Variants in GFPT2 observed in about 807,000 individuals in gnomAD.
GFPT2 encodes the protein glutamine--fructose-6-phosphate transaminase 2, also known as glutamine--fructose-6-phosphate aminotransferase [isomerizing] 2.
Under a neutral mutation model 85.6 loss-of-function variants are expected in GFPT2, and 62 were observed. The observed-to-expected ratio is 0.72, with a 90% confidence interval of 0.59 to 0.90. GFPT2 has a LOEUF of 0.90. GFPT2 is among the 40% of genes least tolerant of loss of function. GFPT2 has a pLI of 0.00. For synonymous variants in GFPT2, 368 were observed against 344.5 expected, an observed-to-expected ratio of 1.07 and a Z score of -0.75; for missense variants, 788 against 893.4, an observed-to-expected ratio of 0.88 and a Z score of 1.50.
chr5:180,350,213 C>T (rs1196071658), intron 1 of GFPT2, among the ~76,000 whole-genome samples: 5 of 152,156 alleles, frequency 3.3e-5, no homozygotes, highest in African/African-American at 4.8e-5. Context: ...GAGTTTGTGT[C>T]CATCACCCAA....
intron 2 of GFPT2, among the ~76,000 whole-genome samples, chr5:180,337,409 C>T (rs1462867394): frequency 2.7e-5 from 4 of 148,286 alleles, no homozygotes; most frequent in African/African-American, 2.5e-5. Context: ...GCTGAGATCG[C>T]GCCACTGCAC....
At chr5:180,325,111 G>T (rs368324908) in intron 7 of GFPT2, among the ~76,000 whole-genome samples, 3 of 152,134 alleles carry the variant, frequency 2.0e-5, no homozygotes, top group African/African-American at 7.2e-5. Flanking sequence ...TGCCCAGAAA[G>T]CTTGGTAACC....
rs1396340986 is a variant in GFPT2, at chr5:180,353,298, TGGGCTCCGTGGGCTCCGTGGGCTCCGC to T, written c.-108_-82del. On this transcript the variant is annotated 5_prime_UTR_variant, in exon 1 of 19. Transcript: ENST00000253778. ...TGGGGCTCCTCCGTGGGCTCCTCCG[TGGGCTCCGTGGGCTCCGTGGGCTCCGC>T]GGGCTCCAGCTCCCGTCCGCTCGGC... 5.0e-5 allele frequency: 13 copies of T among 261,546 alleles called. No homozygotes were observed. Among genetic ancestry groups the T allele is most frequent in the Admixed American group, 1.5e-4 (1 of 6,818 alleles). The allele number at this position is 261,546 out of a possible 1,614,324, so 16.2% of individuals were successfully genotyped here.
At chr5:180,348,965 C>A (rs528571959) in intron 1 of GFPT2, among the ~76,000 whole-genome samples, 13 of 151,640 alleles carry the variant, frequency 8.6e-5, no homozygotes, top group African/African-American at 3.1e-4. Flanking sequence ...TGGTCTCGAT[C>A]TCCTGACCTC....
chr5:180,345,913 G>T (rs1764598634), intron 1 of GFPT2, among the ~76,000 whole-genome samples: 1 of 152,070 alleles, frequency 6.6e-6, no homozygotes, highest in African/African-American at 2.4e-5. Flanking sequence ...TGGGAGCACG[G>T]TGCCACCAGA....
chr5:180,314,554 A>G (rs917210576), intron 13 of GFPT2, among the ~76,000 whole-genome samples: 2 of 152,186 alleles, frequency 1.3e-5, no homozygotes, highest in African/African-American at 4.8e-5. Context: ...AATTCAGCAT[A>G]AGCCAGACTA....
intron 15 of GFPT2, among the ~76,000 whole-genome samples, chr5:180,311,742 TG>T (rs1447007935): frequency 1.3e-5 from 2 of 151,778 alleles, no homozygotes; most frequent in South Asian, 2.1e-4. Context: ...AGGTGTGTTA[TG>T]AAAAAAATAA....
At chr5:180,305,760 T>C (rs926431930) in intron 16 of GFPT2, among the ~76,000 whole-genome samples, 1 of 152,182 alleles carries the variant, frequency 6.6e-6, no homozygotes, top group Non-Finnish European at 1.5e-5. Context: ...CGCAGAGTCA[T>C]CTGGGGACTG....
chr5:180,307,864 G>A (rs1041732743), intron 15 of GFPT2, among the ~76,000 whole-genome samples: 19 of 152,214 alleles, frequency 1.2e-4, no homozygotes, highest in Non-Finnish European at 1.9e-4. Flanking sequence ...TGTAATCGCC[G>A]CACTTTGGGA....
intron 3 of GFPT2, 157 bp downstream of exon 3, chr5:180,336,322 C>G: frequency 1.5e-6 from 1 of 679,974 alleles, no homozygotes. Flanking sequence ...CATCCCATAC[C>G]CTGCGAAGCC....
intron 9 of GFPT2, among the ~76,000 whole-genome samples, chr5:180,320,642 G>A (rs1029689286): frequency 1.3e-5 from 2 of 152,078 alleles, no homozygotes; most frequent in African/African-American, 2.4e-5. Context: ...GTGTGGTGGC[G>A]GGCACCTGTA....
intron 1 of GFPT2, among the ~76,000 whole-genome samples, chr5:180,348,336 GT>G (rs1764649431): frequency 6.6e-6 from 1 of 152,252 alleles, no homozygotes; most frequent in African/African-American, 2.4e-5. Context: ...ACTCTCCTGG[GT>G]GAGGCCCACA....
chr5:180,322,811 C>T (rs925384719), intron 9 of GFPT2, among the ~76,000 whole-genome samples: 2 of 151,830 alleles, frequency 1.3e-5, no homozygotes, highest in African/African-American at 2.4e-5. Context: ...CTGAGGAGGG[C>T]GGATCATGAG....
chr5:180,306,201 T>C (rs574624860), intron 16 of GFPT2, among the ~76,000 whole-genome samples: 1 of 152,194 alleles, frequency 6.6e-6, no homozygotes, highest in South Asian at 2.1e-4. Flanking sequence ...TCCAGGCTGG[T>C]CTCGAACTCC....
chr5:180,345,921 A>T (rs1422315382), intron 1 of GFPT2, among the ~76,000 whole-genome samples: 1 of 152,132 alleles, frequency 6.6e-6, no homozygotes, highest in Non-Finnish European at 1.5e-5. Flanking sequence ...CGGTGCCACC[A>T]GAACTCTCGG....
chr5:180,316,754 T>C lies in GFPT2; in HGVS notation c.1152+10A>G. On this transcript the variant is annotated intron_variant, in intron 12 of 18. Transcript: ENST00000253778. ...CCGTCGACTTCCCCACGCACATGTGTCACACTTACAGCCACGGCAGCGTGG... is the reference window on the plus strand; with the variant it reads ...CCGTCGACTTCCCCACGCACATGTGCCACACTTACAGCCACGGCAGCGTGG... 3.1e-6 allele frequency: 5 copies of C among 1,593,014 alleles called. No individual in the cohort carries two copies. Among genetic ancestry groups the C allele is most frequent in the Non-Finnish European group, 3.4e-6 (4 of 1,161,322 alleles).
At chr5:180,353,165 C>CCGCGGACGGCGTGGAGGAGGCGG in intron 1 of GFPT2, 46 bp downstream of exon 1, 1 of 1,229,688 alleles carries the variant, frequency 8.1e-7, no homozygotes, top group Non-Finnish European at 1.0e-6. Flanking sequence ...GCGCCGGGAC[C>CCGCGGACGGCGTGGAGGAGGCGG]CGCGGACGGC....
At position 180,301,208 on chromosome 5, in the gene GFPT2, A is replaced by G; in HGVS notation, c.*356T>C. The G allele has an allele frequency of 3.2e-6, 1 of 314,608 alleles. No homozygotes were observed. The highest frequency in any genetic ancestry group is 5.6e-5 in the East Asian group (1 of 17,836). The allele number at this position is 314,608 out of a possible 1,614,324, so 19.5% of individuals were successfully genotyped here. A position where few individuals can be genotyped will look rare whatever the true frequency, so the allele number is the denominator to read the frequency against. On this transcript the variant is annotated 3_prime_UTR_variant, in exon 19 of 19. Transcript: ENST00000253778. ...ATACTAGAAAAATAACTTAAAAGCTATACAGTCGTCATTATAAATATCTTG... is the reference window on the plus strand; with the variant it reads ...ATACTAGAAAAATAACTTAAAAGCTGTACAGTCGTCATTATAAATATCTTG...
At chr5:180,348,604 C>T (rs1764654791) in intron 1 of GFPT2, among the ~76,000 whole-genome samples, 1 of 152,234 alleles carries the variant, frequency 6.6e-6, no homozygotes, top group African/African-American at 2.4e-5. Context: ...GGACTTGGCT[C>T]CCCTGGAGAC....
Sources: allele counts gnomAD v4.1 joint callset (sites outside exome capture counted in the v4.1 genomes callset), GRCh38; gene constraint gnomAD v4.1.1; transcripts MANE v1.5; gene names NCBI Gene and HGNC (gene_info 2026-07-23, HGNC 2026-07-21).